MED15: variants seen among roughly 807,000 people sequenced by gnomAD.
MED15 encodes mediator of RNA polymerase II transcription subunit 15.
Under a neutral mutation model 118.7 loss-of-function variants are expected in MED15, and 41 were observed. The observed-to-expected ratio is 0.35, with a 90% CI of 0.27 to 0.45. The LOEUF (loss-of-function observed/expected upper bound fraction) is 0.45, where lower values mean the gene tolerates loss of function less well. Ranked by LOEUF, MED15 falls within the 20% of genes least tolerant of loss-of-function variation. The probability of loss-of-function intolerance (pLI) is 1.00; values close to 1 mark genes in which losing one functional copy is unlikely to be tolerated. For missense variants in MED15, 740 were observed against 1,025.5 expected (o/e 0.72, Z 3.80); for synonymous variants, 436 against 413.9 (o/e 1.05, Z -0.65).
At chr22:20,551,309 A>T (rs1167917291) in intron 2 of MED15, 127 bp from the exon 3 acceptor site, 3 of 870,276 alleles carry the variant, frequency 3.4e-6, no homozygotes, top group Non-Finnish European at 6.0e-6. Flanking sequence ...GAGGCCGAGC[A>T]AGCGTCTGAA....
Position 20,583,076 on chromosome 22 carries a change from G to T in MED15, c.1538-37G>T, listed in dbSNP as rs750236995. 3.2e-6 allele frequency: 5 copies of T among 1,560,502 alleles called. No individual in the cohort carries two copies. In the Admixed American group the frequency reaches 8.9e-5, roughly 28 times the overall value. On this transcript the variant is annotated intron_variant, in intron 11 of 17. Transcript: ENST00000263205. ...CAGAGCTCAAGTTCCCCACCCGAGG[G>T]TCGAGGGCTGTGGCCTCACCCGCCT...
chr22:20,538,027 G>A (rs1327289537), intron 2 of MED15, among the ~76,000 whole-genome samples: 2 of 152,106 alleles, frequency 1.3e-5, no homozygotes, highest in African/African-American at 2.4e-5. Flanking sequence ...AGCTTTATAC[G>A]GTTCACCCTT....
At chr22:20,538,785 C>T (rs1037362241) in intron 2 of MED15, among the ~76,000 whole-genome samples, 2 of 152,024 alleles carry the variant, frequency 1.3e-5, no homozygotes, top group Non-Finnish European at 1.5e-5. Context: ...CTGCAACCTC[C>T]GCCTACCAGG....
At chr22:20,532,963 T>G (rs545495392) in intron 1 of MED15, among the ~76,000 whole-genome samples, 1 of 152,284 alleles carries the variant, frequency 6.6e-6, no homozygotes, top group East Asian at 1.9e-4. Flanking sequence ...GCTGTCTCCT[T>G]GTGTGATAGT....
intron 1 of MED15, among the ~76,000 whole-genome samples, chr22:20,511,369 G>A (rs1052944550): frequency 1.3e-5 from 2 of 151,852 alleles, no homozygotes; most frequent in Non-Finnish European, 2.9e-5. Context: ...GCGTGCACTC[G>A]TAGTCCCAGC....
intron 1 of MED15, 159 bp downstream of exon 1, chr22:20,507,905 C>T (rs1450328819): frequency 6.8e-7 from 1 of 1,464,776 alleles, no homozygotes; most frequent in Non-Finnish European, 9.0e-7. Context: ...CCGTCTGTCC[C>T]CTCCGTTCCC....
chr22:20,585,576 T>C (rs1233823809), intron 16 of MED15, 152 bp from the exon 17 acceptor site: 1 of 762,422 alleles, frequency 1.3e-6, no homozygotes, highest in Non-Finnish European at 2.1e-6. Context: ...GCTTCACGTT[T>C]GGAAATCTGA....
At chr22:20,511,249 A>C (rs1351432898) in intron 1 of MED15, among the ~76,000 whole-genome samples, 4 of 152,082 alleles carry the variant, frequency 2.6e-5, no homozygotes, top group African/African-American at 9.7e-5. Context: ...CGTGACTCAC[A>C]CCTGTAATCC....
Position 20,554,941 on chromosome 22 carries a change from A to G in MED15, c.244A>G (p.Met82Val), listed in dbSNP as rs2055930689. Residue 82 changes from methionine (M) to valine (V), a missense_variant, in exon 5 of 18, where the codon ATG becomes GTG. Physicochemically the swap from Met to Val is conservative, Grantham distance 21 (BLOSUM62 1). Transcript: ENST00000263205. The part of the protein sequence containing the change: ...KKSQASVSDP[M>V]NALQSLTGGP... ...CTGCCCTTGTGTTCCCACAGATCCT[A>G]TGAATGCACTCCAGAGCCTGACTGG... The G allele has an allele frequency of 1.2e-6, 2 of 1,603,584 alleles. No homozygotes were observed. The highest frequency in any genetic ancestry group is 1.1e-5 in the South Asian group (1 of 90,408).
intron 5 of MED15, among the ~76,000 whole-genome samples, chr22:20,564,108 G>A (rs1601593318): frequency 6.6e-6 from 1 of 152,064 alleles, no homozygotes; most frequent in East Asian, 1.9e-4. Context: ...GCACATGTTC[G>A]ATGCCATTCG....
At chr22:20,548,107 A>T (rs899617181) in intron 2 of MED15, among the ~76,000 whole-genome samples, 2 of 152,158 alleles carry the variant, frequency 1.3e-5, no homozygotes, top group African/African-American at 4.8e-5. Context: ...CCTTCCAAGT[A>T]GCTGGGATTA....
chr22:20,523,965 G>T (rs950304208), intron 1 of MED15: 28 of 430,040 alleles, frequency 6.5e-5, no homozygotes, highest in Non-Finnish European at 8.7e-5. Context: ...GAAGTCTCCT[G>T]TATTGGTATG....
At chr22:20,571,736 G>T (rs893969647) in intron 8 of MED15, among the ~76,000 whole-genome samples, 2 of 152,226 alleles carry the variant, frequency 1.3e-5, no homozygotes, top group African/African-American at 4.8e-5. Flanking sequence ...CTGGATTCAT[G>T]ATCTTCTTTT....
At chr22:20,543,202 CTTTTTTTTTTTTT>C (rs67565815) in intron 2 of MED15, among the ~76,000 whole-genome samples, 14 of 54,116 alleles carry the variant, frequency 2.6e-4, no homozygotes, top group Non-Finnish European at 3.6e-4. Context: ...TTTCATGTTG[CTTTTTTTTTTTTT>C]TTTTTTTTTT....
intron 9 of MED15, among the ~76,000 whole-genome samples, chr22:20,576,836 G>C (rs12484039): frequency 0.06 from 9,197 of 152,194 alleles, 652 homozygotes; most frequent in East Asian, 0.38. Context: ...AGACCCCTTT[G>C]GGTTCTGCAC....
chr22:20,555,221 G>C (rs1190383716), intron 5 of MED15, 73 bp downstream of exon 5: 4 of 1,383,958 alleles, frequency 2.9e-6, no homozygotes, highest in African/African-American at 2.9e-5. Flanking sequence ...CTGTGCTTAT[G>C]ATGGTATCAA....
rs1468146165 is a variant in MED15, at chr22:20,584,349, C to T, written c.1737-10C>T. 5.0e-6 allele frequency: 8 copies of T among 1,613,532 alleles called. No homozygotes were observed. The highest frequency in any genetic ancestry group is 6.8e-6 in the Non-Finnish European group (8 of 1,179,626). On this transcript the variant is annotated splice_polypyrimidine_tract_variant and intron_variant, in intron 13 of 17. Transcript: ENST00000263205. Reference sequence around the variant, plus strand: ...TCCACTCTTTCAGCCCAAGTCCTCTCTCTCTGCAGGTGTCCCCTGAAGACC... The same window carrying T: ...TCCACTCTTTCAGCCCAAGTCCTCTTTCTCTGCAGGTGTCCCCTGAAGACC...
intron 8 of MED15, among the ~76,000 whole-genome samples, chr22:20,569,984 T>G (rs570795662): frequency 2.0e-5 from 3 of 152,174 alleles, no homozygotes; most frequent in Non-Finnish European, 4.4e-5. Flanking sequence ...TACCTTTGCC[T>G]CTTTGGACCA....
intron 1 of MED15, among the ~76,000 whole-genome samples, chr22:20,515,709 C>G (rs2054226712): frequency 6.6e-6 from 1 of 151,712 alleles, no homozygotes; most frequent in African/African-American, 2.4e-5. Context: ...TCGCTTAAAC[C>G]CGGGAGGCAG....
Sources: allele counts gnomAD v4.1 joint callset (sites outside exome capture counted in the v4.1 genomes callset), GRCh38; gene constraint gnomAD v4.1.1; transcripts MANE v1.5; gene names NCBI Gene and HGNC (gene_info 2026-07-23, HGNC 2026-07-21).